TENM2: variants seen among roughly 807,000 people sequenced by gnomAD.
TENM2 encodes the protein teneurin-2.
In TENM2, 52 loss-of-function variants were observed where a neutral mutation model predicts 245.2. The ratio of observed to expected loss-of-function variants is 0.21; its 90% CI spans 0.17 to 0.27. The LOEUF (loss-of-function observed/expected upper bound fraction) is 0.27, where lower values mean the gene tolerates loss of function less well. Ranked by LOEUF, TENM2 falls within the 10% of genes least tolerant of loss-of-function variation. The pLI is 1.00. For missense variants in TENM2, 3,046 were observed against 3,666.8 expected, an observed-to-expected ratio of 0.83 and a Z score of 4.37; for synonymous variants, 1,363 against 1,438.9, an observed-to-expected ratio of 0.95 and a Z score of 1.19.
At chr5:167,505,957 A>G (rs2127562394) in intron 2 of TENM2, among the ~76,000 whole-genome samples, 1 of 152,238 alleles carries the variant, frequency 6.6e-6, no homozygotes, top group South Asian at 2.1e-4. Flanking sequence ...AAGGTAGGAA[A>G]ACTGCTTGAG....
the TENM2 span, among the ~76,000 whole-genome samples, chr5:167,028,033 G>C: frequency 2.3e-5 from 3 of 130,314 alleles, no homozygotes; most frequent in Admixed American, 1.9e-4. Context: ...TGGCACCACT[G>C]TACTCCAGCC....
intron 2 of TENM2, among the ~76,000 whole-genome samples, chr5:167,760,940 C>T (rs944350832): frequency 8.5e-5 from 13 of 152,060 alleles, no homozygotes; most frequent in African/African-American, 1.4e-4. Flanking sequence ...GGTGAGCCAC[C>T]GCACCTGGCC....
the TENM2 span, among the ~76,000 whole-genome samples, chr5:167,177,517 T>A: frequency 6.6e-6 from 1 of 152,212 alleles, no homozygotes; most frequent in Non-Finnish European, 1.5e-5. Flanking sequence ...CACTGTTGGC[T>A]TTTGTCAAAT....
At chr5:167,317,918 T>A (rs2127765671) in intron 1 of TENM2, among the ~76,000 whole-genome samples, 1 of 152,312 alleles carries the variant, frequency 6.6e-6, no homozygotes, top group South Asian at 2.1e-4. Flanking sequence ...TACTCTAGCA[T>A]GCCCTACCGC....
intron 6 of TENM2, among the ~76,000 whole-genome samples, chr5:168,050,657 A>G (rs1789000510): frequency 6.6e-6 from 1 of 152,202 alleles, no homozygotes; most frequent in Non-Finnish European, 1.5e-5. Flanking sequence ...ATCGATAGAG[A>G]TTTCATTACC....
chr5:168,261,920 A>G (rs1768222856), intron 28 of TENM2, 129 bp from the exon 31 acceptor site: 2 of 870,714 alleles, frequency 2.3e-6, no homozygotes, highest in African/African-American at 1.7e-5. Context: ...AGGACTCCCA[A>G]CAGCTCAGAT....
intron 3 of TENM2, among the ~76,000 whole-genome samples, chr5:167,939,767 TGTGCCACATCGA>T (rs1779025120): frequency 1.3e-5 from 2 of 152,228 alleles, no homozygotes; most frequent in African/African-American, 4.8e-5. Flanking sequence ...ATCCTCTTTC[TGTGCCACATCGA>T]GTTCCTTTCT....
intron 2 of TENM2, among the ~76,000 whole-genome samples, chr5:167,486,690 C>T (rs929888620): frequency 6.6e-6 from 1 of 152,114 alleles, no homozygotes; most frequent in African/African-American, 2.4e-5. Flanking sequence ...CTAAAGAATA[C>T]ATCACTAGAT....
chr5:167,860,844 G>A (rs1408367311), intron 2 of TENM2, among the ~76,000 whole-genome samples: 1 of 101,632 alleles, frequency 9.8e-6, no homozygotes, highest in Non-Finnish European at 2.0e-5. Context: ...CTTGAAGGCA[G>A]CATGCTCGTT....
intron 2 of TENM2, among the ~76,000 whole-genome samples, chr5:167,438,604 A>G (rs756320394): frequency 1.3e-5 from 2 of 151,968 alleles, no homozygotes; most frequent in Admixed American, 1.3e-4. Context: ...TCACGCTGTT[A>G]GCCAGGATGG....
intron 2 of TENM2, among the ~76,000 whole-genome samples, chr5:167,743,152 T>G (rs1039839358): frequency 6.6e-6 from 1 of 152,222 alleles, no homozygotes; most frequent in Non-Finnish European, 1.5e-5. Flanking sequence ...CTACACTTAC[T>G]GGAGAGCAGC....
At chr5:167,360,361 A>G (rs1014099322) in intron 1 of TENM2, among the ~76,000 whole-genome samples, 1 of 152,190 alleles carries the variant, frequency 6.6e-6, no homozygotes, top group Non-Finnish European at 1.5e-5. Flanking sequence ...AGCCCTTAGA[A>G]CCAGGCTTAG....
chr5:167,526,701 T>A (rs571316417), intron 2 of TENM2, among the ~76,000 whole-genome samples: 1 of 152,276 alleles, frequency 6.6e-6, no homozygotes, highest in East Asian at 1.9e-4. Context: ...GGAAGTTAGA[T>A]TTCCTTCTTT....
chr5:167,892,974 C>T (rs1774879074), intron 3 of TENM2, among the ~76,000 whole-genome samples: 1 of 152,188 alleles, frequency 6.6e-6, no homozygotes, highest in Admixed American at 6.5e-5. Flanking sequence ...GCACTCTTCC[C>T]CACAGAACTC....
intron 2 of TENM2, among the ~76,000 whole-genome samples, chr5:167,468,123 G>A (rs1211898413): frequency 6.6e-6 from 1 of 152,084 alleles, no homozygotes; most frequent in African/African-American, 2.4e-5. Context: ...TTTTAGTAGA[G>A]ACGGGGTTTC....
chr5:168,207,169 A>G (rs965461973), intron 19 of TENM2, among the ~76,000 whole-genome samples: 3 of 152,180 alleles, frequency 2.0e-5, no homozygotes, highest in Non-Finnish European at 4.4e-5. Context: ...TTAGGGCCTA[A>G]GCATGTGAAC....
At chr5:168,018,591 A>G (rs555982546) in intron 5 of TENM2, among the ~76,000 whole-genome samples, 1 of 152,252 alleles carries the variant, frequency 6.6e-6, no homozygotes, top group Non-Finnish European at 1.5e-5. Context: ...AGGAAGTCCC[A>G]GGAAGGAATA....
intron 12 of TENM2, among the ~76,000 whole-genome samples, chr5:168,154,360 G>A (rs1367023995): frequency 1.3e-5 from 2 of 151,850 alleles, no homozygotes; most frequent in Non-Finnish European, 2.9e-5. Context: ...GGGATTATAG[G>A]TGCCTGCCAC....
chr5:167,008,483 C>A, the TENM2 span, among the ~76,000 whole-genome samples: 1 of 152,156 alleles, frequency 6.6e-6, no homozygotes, highest in South Asian at 2.1e-4. Flanking sequence ...TGAGTCAAAC[C>A]AGTTTTTATT....
Sources: gnomAD v4.1 joint callset for allele counts (sites outside exome capture counted in the v4.1 genomes callset) on GRCh38, gnomAD v4.1.1 for gene constraint, MANE v1.5 for transcripts, NCBI Gene and HGNC (gene_info 2026-07-23, HGNC 2026-07-21) for gene names.